Variants in RBMS3 observed in about 807,000 individuals in gnomAD.
RBMS3 encodes RNA binding motif single stranded interacting protein 3, also known as RNA-binding motif, single-stranded-interacting protein 3.
In RBMS3, 27 loss-of-function variants were observed where a neutral mutation model predicts 66.8. The ratio of observed to expected loss-of-function variants is 0.40; its 90% confidence interval spans 0.30 to 0.56. The LOEUF is 0.56. Ranked by LOEUF, RBMS3 falls within the 20% of genes least tolerant of loss-of-function variation. The probability of loss-of-function intolerance (pLI) is 0.40; values close to 1 mark genes in which losing one functional copy is unlikely to be tolerated. For synonymous variants in RBMS3, 188 were observed against 183.0 expected (o/e 1.03, Z -0.22); for missense variants, 513 against 549.5 (o/e 0.93, Z 0.66).
intron 6 of RBMS3, among the ~76,000 whole-genome samples, chr3:29,785,395 C>G (rs1340042850): frequency 2.6e-5 from 4 of 151,826 alleles, no homozygotes; most frequent in African/African-American, 9.7e-5. Context: ...CAATTCTTAT[C>G]TTAATACCAT....
chr3:29,650,146 T>G (rs72846040), intron 4 of RBMS3, among the ~76,000 whole-genome samples: 3,426 of 152,290 alleles, frequency 0.022, 91 homozygotes, highest in Admixed American at 0.063. Context: ...AAGGATTGTC[T>G]GAGATATTTT....
chr3:29,793,057 G>A (rs1366313752), intron 6 of RBMS3, among the ~76,000 whole-genome samples: 1 of 152,024 alleles, frequency 6.6e-6, no homozygotes, highest in African/African-American at 2.4e-5. Flanking sequence ...GGCCAATGTG[G>A]TGAAACCCTG....
At chr3:29,935,800 T>A (rs1164582677) in intron 10 of RBMS3, among the ~76,000 whole-genome samples, 1 of 152,104 alleles carries the variant, frequency 6.6e-6, no homozygotes, top group East Asian at 1.9e-4. Flanking sequence ...AGGATATAGA[T>A]GATTTTCAAT....
At chr3:29,928,936 CA>C (rs1208965721) in intron 10 of RBMS3, among the ~76,000 whole-genome samples, 4 of 152,324 alleles carry the variant, frequency 2.6e-5, no homozygotes, top group African/African-American at 7.2e-5. Context: ...CTGATGAACA[CA>C]AGTTCACCCT....
intron 4 of RBMS3, among the ~76,000 whole-genome samples, chr3:29,721,579 G>T (rs1436732932): frequency 6.6e-6 from 1 of 152,106 alleles, no homozygotes; most frequent in African/African-American, 2.4e-5. Flanking sequence ...GGGGAAAACT[G>T]CCCTGTTTCA....
In RBMS3 at chr3:29,544,699, A is replaced by ATGTGTGTGTGTGTGTGTGTGTG. The variant is rs138879910; in HGVS notation, c.308-42398_308-42397insGTGTGTGTGTGTGTGTGTGTGT. Among the ~76,000 whole-genome samples, 780 of 150,764 alleles carry ATGTGTGTGTGTGTGTGTGTGTG rather than the reference A, an allele frequency of 5.2e-3. 5 individuals are homozygous for ATGTGTGTGTGTGTGTGTGTGTG. The highest frequency in any genetic ancestry group is 0.013 in the African/African-American group (526 of 40,884). On this transcript the variant is annotated intron_variant, in intron 3 of 14. Transcript: ENST00000383767. ...GAAAAAAGAAGGGAGTGAAATGTAA[A>ATGTGTGTGTGTGTGTGTGTGTG]TGTGTGTGTGTGTGTGTATAGTTGA...
At chr3:29,761,722 G>C (rs2055697688) in intron 5 of RBMS3, among the ~76,000 whole-genome samples, 1 of 152,074 alleles carries the variant, frequency 6.6e-6, no homozygotes, top group Non-Finnish European at 1.5e-5. Flanking sequence ...TCCTGAAATG[G>C]ACATAAAATT....
At chr3:29,299,972 A>G (rs2033560007) in intron 1 of RBMS3, among the ~76,000 whole-genome samples, 1 of 151,930 alleles carries the variant, frequency 6.6e-6, no homozygotes, top group African/African-American at 2.4e-5. Flanking sequence ...TGCTTGTACG[A>G]CTCAATAGGA....
intron 1 of RBMS3, among the ~76,000 whole-genome samples, chr3:29,363,441 C>T (rs935009298): frequency 6.6e-6 from 1 of 152,136 alleles, no homozygotes; most frequent in African/African-American, 2.4e-5. Context: ...ATGAAGGCTT[C>T]ACTAAGTAGT....
chr3:29,810,749 A>G (rs1488478508), intron 6 of RBMS3, among the ~76,000 whole-genome samples: 2 of 152,166 alleles, frequency 1.3e-5, no homozygotes, highest in Admixed American at 1.3e-4. Context: ...TAAAGTAATT[A>G]TATTTCTCTT....
chr3:29,520,011 G>A (rs1271849533), intron 3 of RBMS3, among the ~76,000 whole-genome samples: 2 of 152,094 alleles, frequency 1.3e-5, no homozygotes, highest in African/African-American at 2.4e-5. Flanking sequence ...GTCACATGCA[G>A]GTATTATTCA....
intron 6 of RBMS3, among the ~76,000 whole-genome samples, chr3:29,848,223 G>T (rs142336742): frequency 6.6e-6 from 1 of 152,128 alleles, no homozygotes; most frequent in South Asian, 2.1e-4. Flanking sequence ...GTCAGCCAGC[G>T]CACCTGGACA....
chr3:29,861,851 A>G (rs1187138012), intron 6 of RBMS3, among the ~76,000 whole-genome samples: 3 of 152,194 alleles, frequency 2.0e-5, no homozygotes, highest in African/African-American at 7.2e-5. Flanking sequence ...CTTTATTGCC[A>G]TGTGTTGTTA....
At chr3:29,339,788 G>GAAGATTTC (rs1175603918) in intron 1 of RBMS3, among the ~76,000 whole-genome samples, 2 of 152,058 alleles carry the variant, frequency 1.3e-5, no homozygotes, top group Admixed American at 1.3e-4. Flanking sequence ...TGCATTAGTG[G>GAAGATTTC]AAGATTTCAA....
intron 3 of RBMS3, among the ~76,000 whole-genome samples, chr3:29,511,425 G>T (rs1270304323): frequency 1.3e-5 from 2 of 152,206 alleles, no homozygotes; most frequent in Non-Finnish European, 2.9e-5. Context: ...TTCTGTGCGT[G>T]GGTGTTTTGT....
At chr3:29,393,143 G>A (rs9834327) in intron 1 of RBMS3, among the ~76,000 whole-genome samples, 2,870 of 152,168 alleles carry the variant, frequency 0.019, 97 homozygotes, top group African/African-American at 0.065. Flanking sequence ...TCTATGACTT[G>A]TAATATAATA....
intron 14 of RBMS3, among the ~76,000 whole-genome samples, chr3:30,003,604 G>T (rs769881099): frequency 6.6e-5 from 10 of 151,930 alleles, no homozygotes; most frequent in Non-Finnish European, 1.2e-4. Context: ...CAAAGGATCT[G>T]TAAGGAGCTA....
At chr3:29,881,092 T>C (rs935772687) in intron 7 of RBMS3, among the ~76,000 whole-genome samples, 1 of 152,030 alleles carries the variant, frequency 6.6e-6, no homozygotes, top group African/African-American at 2.4e-5. Flanking sequence ...ACTCTCCCCT[T>C]TACATGTTCT....
chr3:29,342,322 A>T (rs1026312914), intron 1 of RBMS3, among the ~76,000 whole-genome samples: 3 of 152,116 alleles, frequency 2.0e-5, no homozygotes, highest in African/African-American at 7.2e-5. Flanking sequence ...ACCAATTTTG[A>T]GGCCAATTTC....
Sources: allele counts gnomAD v4.1 joint callset (sites outside exome capture counted in the v4.1 genomes callset), GRCh38; gene constraint gnomAD v4.1.1; transcripts MANE v1.5; gene names NCBI Gene and HGNC (gene_info 2026-07-23, HGNC 2026-07-21).